Variants in WDR47 observed in about 807,000 individuals in gnomAD.
WDR47 encodes WD repeat-containing protein 47.
In WDR47, 32 loss-of-function variants were observed where a neutral mutation model predicts 97.2. The observed-to-expected ratio is 0.33, with a 90% CI of 0.25 to 0.44. The LOEUF is 0.44. WDR47 is among the 20% of genes least tolerant of loss of function. The pLI, the probability that WDR47 is intolerant of heterozygous loss-of-function variation, is 1.00. For missense variants in WDR47, 782 were observed against 1,102.3 expected, an observed-to-expected ratio of 0.71 and a Z score of 4.11; for synonymous variants, 375 against 373.5, an observed-to-expected ratio of 1.00 and a Z score of -0.05.
chr1:108,986,599 C>G lies in WDR47; in HGVS notation c.1849G>C (p.Ala617Pro). ...QAVRAVAFHP[A>P]GGLYAVGSNS... ...GAACCAACAGCATATAAACCTCCAGCTGGATGAAAAGCCACTGCTCTAACA... is the reference window on the plus strand; with the variant it reads ...GAACCAACAGCATATAAACCTCCAGGTGGATGAAAAGCCACTGCTCTAACA... The change falls in exon 10 of 15, where the codon GCT (alanine) becomes CCT (proline). Residue 617 changes from alanine (A) to proline (P), a missense_variant. Ala to Pro is a conservative substitution (Grantham distance 27, BLOSUM62 -1). Around this residue, in one of 3 missense-constraint regions of WDR47, gnomAD observed 228 missense variants for 396.7 expected, o/e 0.57. Coordinates refer to ENST00000369962, the MANE Select transcript of WDR47 (RefSeq NM_001142551.2). 6.2e-7 allele frequency: 1 copy of G among 1,613,816 alleles called. No homozygotes were observed. The highest frequency in any genetic ancestry group is 2.2e-5 in the East Asian group (1 of 44,806).
chr1:109,019,527 T>C (rs1661668398), intron 2 of WDR47, among the ~76,000 whole-genome samples: 1 of 151,844 alleles, frequency 6.6e-6, no homozygotes, highest in South Asian at 2.1e-4. Flanking sequence ...TCTAAAGACA[T>C]TTTTGGTAGT....
chr1:108,976,793 T>C (rs553115026), intron 13 of WDR47, among the ~76,000 whole-genome samples: 2 of 152,194 alleles, frequency 1.3e-5, no homozygotes, highest in East Asian at 3.9e-4. Context: ...CATTTCCAAC[T>C]AAGGAAACAG....
intron 1 of WDR47, among the ~76,000 whole-genome samples, chr1:109,038,669 A>G (rs1663126844): frequency 6.6e-6 from 1 of 151,466 alleles, no homozygotes; most frequent in South Asian, 2.1e-4. Flanking sequence ...ATAAAGTGAG[A>G]CCCTGTCTCA....
chr1:109,034,204 C>T (rs1200330751), intron 1 of WDR47, among the ~76,000 whole-genome samples: 1 of 152,168 alleles, frequency 6.6e-6, no homozygotes, highest in African/African-American at 2.4e-5. Context: ...AGTAGAATCA[C>T]CTGAACCCAG....
chr1:108,999,195 C>A (rs1411197956), intron 7 of WDR47, among the ~76,000 whole-genome samples: 1 of 151,008 alleles, frequency 6.6e-6, no homozygotes, highest in Non-Finnish European at 1.5e-5. Context: ...CCACTGCACT[C>A]CAGCCTGGGC....
intron 2 of WDR47, among the ~76,000 whole-genome samples, chr1:109,022,105 C>T (rs748354745): frequency 1.1e-4 from 16 of 152,226 alleles, no homozygotes; most frequent in African/African-American, 2.9e-4. Flanking sequence ...GCCTTGGACT[C>T]GCAAATGGCT....
intron 4 of WDR47, 81 bp from the exon 5 acceptor site, chr1:109,011,799 T>C (rs1557946612): frequency 7.8e-7 from 1 of 1,288,468 alleles, no homozygotes; most frequent in Admixed American, 2.4e-5. Context: ...GTACAAAGAA[T>C]AAATTATATT....
chr1:109,002,348 G>C lies in WDR47; in HGVS notation c.1309C>G (p.Gln437Glu). The C allele has an allele frequency of 6.2e-7, 1 of 1,612,248 alleles. No individual in the cohort carries two copies. The highest frequency in any genetic ancestry group is 8.5e-7 in the Non-Finnish European group (1 of 1,179,694). The change falls in exon 7 of 15, where the codon CAA (glutamine) becomes GAA (glutamate). Residue 437 changes from glutamine to glutamate, a missense_variant. Physicochemically the swap from Gln to Glu is conservative, Grantham distance 29 (BLOSUM62 2). Coordinates refer to ENST00000369962, the MANE Select transcript of WDR47 (RefSeq NM_001142551.2). ...TGCTCCTTCTGTTCTAAATGCTGTT[G>C]ATAGCGTAATCTTTGCCTATAATAT... is the stretch of plus-strand genomic sequence containing the variant. ...QEYYRQRLRY[Q>E]QHLEQKEQQR...
rs1431512296 is a variant in WDR47 at position 109,023,283 on chromosome 1, T to C, written c.158+72A>G. 1.8e-5 allele frequency: 26 copies of C among 1,416,748 alleles called. No individual in the cohort carries two copies. In the East Asian group the frequency reaches 5.0e-4, roughly 27 times the overall value. 87.8% of individuals were successfully genotyped at this position (1,416,748 alleles called of 1,614,324 possible). A position where few individuals can be genotyped will look rare whatever the true frequency, so the allele number is the denominator to read the frequency against. ...TGATTATAAAGTTCTATCTGTATTATATATATTACCTTATTAATACTTAAC... is the reference window on the plus strand; with the variant it reads ...TGATTATAAAGTTCTATCTGTATTACATATATTACCTTATTAATACTTAAC... On this transcript the variant is annotated intron_variant, in intron 2 of 14. Transcript: ENST00000369962.
intron 8 of WDR47, among the ~76,000 whole-genome samples, chr1:108,991,532 T>C (rs1659348786): frequency 6.6e-6 from 1 of 152,218 alleles, no homozygotes; most frequent in Admixed American, 6.5e-5. Context: ...AAAGCCATTC[T>C]GGAAAGAAAA....
intron 13 of WDR47, among the ~76,000 whole-genome samples, chr1:108,976,413 TTA>T (rs2101789141): frequency 6.6e-6 from 1 of 151,482 alleles, no homozygotes; most frequent in Non-Finnish European, 1.5e-5. Context: ...AATAACTGAT[TTA>T]GAGGAGAAAT....
chr1:108,992,664 G>T (rs1261472968), intron 8 of WDR47: 2 of 1,490,740 alleles, frequency 1.3e-6, no homozygotes, highest in South Asian at 1.1e-5. Flanking sequence ...ATGCGCCGCC[G>T]GACCTACAGA....
At chr1:108,974,105 G>A (rs942596481) in intron 14 of WDR47, among the ~76,000 whole-genome samples, 2 of 151,796 alleles carry the variant, frequency 1.3e-5, no homozygotes, top group African/African-American at 4.8e-5. Flanking sequence ...GAGGTGGGAG[G>A]ATCACTTGAG....
intron 1 of WDR47, among the ~76,000 whole-genome samples, chr1:109,033,488 C>T (rs572423197): frequency 6.6e-6 from 1 of 152,144 alleles, no homozygotes; most frequent in Non-Finnish European, 1.5e-5. Flanking sequence ...TAACAAGGTA[C>T]CAACATGCTC....
chr1:109,009,548 A>G (rs1481228857), intron 5 of WDR47, among the ~76,000 whole-genome samples: 1 of 152,228 alleles, frequency 6.6e-6, no homozygotes, highest in Non-Finnish European at 1.5e-5. Context: ...TAAGGAGTTA[A>G]ATTTGTGATA....
At chr1:109,039,149 G>A (rs977214521) in intron 1 of WDR47, among the ~76,000 whole-genome samples, 2 of 152,128 alleles carry the variant, frequency 1.3e-5, no homozygotes, top group Non-Finnish European at 2.9e-5. Flanking sequence ...CATTTACTAT[G>A]TATTAACAAC....
chr1:108,984,018 A>G (rs894565573), intron 10 of WDR47, among the ~76,000 whole-genome samples: 1 of 152,208 alleles, frequency 6.6e-6, no homozygotes, highest in East Asian at 1.9e-4. Context: ...GAAAAATAAG[A>G]AGGCAGGAGA....
At chr1:109,034,987 G>A (rs1662833651) in intron 1 of WDR47, among the ~76,000 whole-genome samples, 1 of 151,962 alleles carries the variant, frequency 6.6e-6, no homozygotes, top group East Asian at 1.9e-4. Context: ...CGGGCACAGT[G>A]GCTCATGCCT....
intron 2 of WDR47, among the ~76,000 whole-genome samples, chr1:109,021,715 C>T (rs1205173719): frequency 6.6e-6 from 1 of 152,076 alleles, no homozygotes; most frequent in African/African-American, 2.4e-5. Flanking sequence ...TTAATAGAGA[C>T]GGGATTTCAC....
Sources: allele counts gnomAD v4.1 joint callset (sites outside exome capture counted in the v4.1 genomes callset), GRCh38; gene constraint gnomAD v4.1.1; regional missense constraint gnomAD v4.1.1; transcripts MANE v1.5; gene names NCBI Gene and HGNC (gene_info 2026-07-23, HGNC 2026-07-21).